PCDHGA7: variants seen among roughly 807,000 people sequenced by gnomAD.
PCDHGA7 encodes protocadherin gamma-A7.
In PCDHGA7, 44 loss-of-function variants were observed where a neutral mutation model predicts 58.3. That is an observed-to-expected ratio of 0.75 (90% CI 0.59 to 0.97). The LOEUF (loss-of-function observed/expected upper bound fraction) is 0.97. PCDHGA7 is among the 50% of genes least tolerant of loss of function. The pLI, the probability that PCDHGA7 is intolerant of heterozygous loss-of-function variation, is 0.00. For synonymous variants in PCDHGA7, 516 were observed against 504.2 expected, an observed-to-expected ratio of 1.02 and a Z score of -0.31; for missense variants, 1,266 against 1,188.7, an observed-to-expected ratio of 1.06 and a Z score of -0.96.
Position 141,422,656 on chromosome 5 carries a change from G to T in PCDHGA7, c.2424+37333G>T, listed in dbSNP as rs759548203. The T allele has an allele frequency of 7.5e-6, 12 of 1,609,898 alleles. 1 individual carries two copies. The African/African-American group carries it at 1.1e-4, about 14-fold the overall frequency. On this transcript the variant is annotated intron_variant, in intron 1 of 3. Transcript: ENST00000518325. The stretch of plus-strand genomic sequence containing the variant: ...GGGTGCCTCCATCTTCTCAGTGACC[G>T]CCCTCGACCCGGACAGCAAACAGAA...
chr5:141,395,542 T>TTGTTTGTGTGTGTG (rs1267535064), intron 1 of PCDHGA7: 1 of 168,708 alleles, frequency 5.9e-6, no homozygotes, highest in African/African-American at 5.7e-5. Flanking sequence ...TTGCTATTGT[T>TTGTTTGTGTGTGTG]TGTGTGTGTG....
intron 1 of PCDHGA7, among the ~76,000 whole-genome samples, chr5:141,480,689 C>A (rs1266042791): frequency 6.6e-6 from 1 of 152,126 alleles, no homozygotes; most frequent in Non-Finnish European, 1.5e-5. Flanking sequence ...AATTCTGAAA[C>A]CCAGGCCACA....
intron 1 of PCDHGA7, among the ~76,000 whole-genome samples, chr5:141,455,138 TTAAA>T (rs1193499111): frequency 1.3e-5 from 2 of 151,028 alleles, no homozygotes; most frequent in Admixed American, 1.3e-4. Context: ...TTACACTGTG[TTAAA>T]TAAATATTAG....
rs767397479 is a variant in PCDHGA7 at position 141,430,717 on chromosome 5, T to C, written c.2424+45394T>C. On this transcript the variant is annotated intron_variant, in intron 1 of 3. Transcript: ENST00000518325. ...GCGAAGGAACTGCTCCTGACTTCAG[T>C]GGTTAAGGGCAGAATTGAAAATAAT... is the stretch of plus-strand genomic sequence containing the variant. The C allele has an allele frequency of 8.1e-6, 12 of 1,475,446 alleles. No individual in the cohort carries two copies. The East Asian group carries it at 2.4e-4, about 29-fold the overall frequency. 91.4% of individuals were successfully genotyped at this position (1,475,446 alleles called of 1,614,324 possible). A position where few individuals can be genotyped will look rare whatever the true frequency, so the allele number is the denominator to read the frequency against.
intron 1 of PCDHGA7, chr5:141,423,114 A>G: frequency 1.9e-6 from 3 of 1,613,848 alleles, no homozygotes; most frequent in Non-Finnish European, 1.7e-6. Context: ...AGGTGCGTAC[A>G]GCGCGGGCAC....
In PCDHGA7 at chr5:141,382,813, T is replaced by A; in HGVS notation, c.-87T>A. The A allele has an allele frequency of 8.2e-7, 1 of 1,218,620 alleles. No homozygotes were observed. The highest frequency in any genetic ancestry group is 2.4e-5 in the East Asian group (1 of 42,382). The allele number at this position is 1,218,620 out of a possible 1,614,324, so 75.5% of individuals were successfully genotyped here. A position where few individuals can be genotyped will look rare whatever the true frequency, so the allele number is the denominator to read the frequency against. The stretch of plus-strand genomic sequence containing the variant: ...ATCCTGCTGGATTCTGAGCTCCCCT[T>A]CCTAAGACAGAGGGGTCCACCCGGA... On this transcript the variant is annotated 5_prime_UTR_variant, in exon 1 of 4. Transcript: ENST00000518325.
In PCDHGA7 at chr5:141,476,584, C is replaced by G. The variant is rs140544807; in HGVS notation, c.2425-18223C>G. ...TGGCTCCGGGGACGCGCTTTCCGCTCGAGAGCGCGCACGATCCCGATGTGG... is the reference window on the plus strand; with the variant it reads ...TGGCTCCGGGGACGCGCTTTCCGCTGGAGAGCGCGCACGATCCCGATGTGG... On this transcript the variant is annotated intron_variant, in intron 1 of 3. Coordinates refer to ENST00000518325, the MANE Select transcript of PCDHGA7 (RefSeq NM_018920.4). This position sits in a 1 kb window ranked among gnomAD's most constrained non-coding sequence, Gnocchi z 7.6. 1.2e-5 allele frequency: 19 copies of G among 1,614,100 alleles called. No homozygotes were observed. The African/African-American group carries it at 2.3e-4, about 19-fold the overall frequency.
intron 1 of PCDHGA7, among the ~76,000 whole-genome samples, chr5:141,402,165 T>A (rs1200714000): frequency 6.6e-6 from 1 of 152,164 alleles, no homozygotes; most frequent in Non-Finnish European, 1.5e-5. Context: ...GGCGAGAACA[T>A]CTGTAACTAT....
chr5:141,389,200 A>C, intron 1 of PCDHGA7: 1 of 1,614,034 alleles, frequency 6.2e-7, no homozygotes, highest in Non-Finnish European at 8.5e-7. Context: ...ATCACCCTGC[A>C]CATTGGTGAT....
rs977174958 is a variant in PCDHGA7, at chr5:141,394,524, G to C, written c.2424+9201G>C. 3.7e-6 allele frequency: 6 copies of C among 1,614,096 alleles called. No homozygotes were observed. The African/African-American group carries it at 6.7e-5, about 18-fold the overall frequency. ...CCTGTACCCCGCCCTCCCCACAGAC[G>C]GTTCCACTGGCGTGGAGCTGGCGCC... On this transcript the variant is annotated intron_variant, in intron 1 of 3. Coordinates refer to ENST00000518325, the MANE Select transcript of PCDHGA7 (RefSeq NM_018920.4).
chr5:141,457,429 C>G (rs73280316), intron 1 of PCDHGA7, among the ~76,000 whole-genome samples: 1,780 of 152,292 alleles, frequency 0.012, 30 homozygotes, highest in African/African-American at 0.04. Context: ...TTTTCCCCCC[C>G]ACCAAGCTGC....
intron 1 of PCDHGA7, chr5:141,389,520 C>T: frequency 6.2e-7 from 1 of 1,613,184 alleles, no homozygotes; most frequent in Non-Finnish European, 8.5e-7. Flanking sequence ...GAACGTGAGC[C>T]TGCGCGTGTT....
chr5:141,499,689 CTTTTTTTT>C (rs545067566), intron 2 of PCDHGA7, among the ~76,000 whole-genome samples: 2 of 119,856 alleles, frequency 1.7e-5, no homozygotes, highest in Non-Finnish European at 3.5e-5. Flanking sequence ...TAACAGATGA[CTTTTTTTT>C]TTTTTTTTTT....
chr5:141,399,460 G>A, intron 1 of PCDHGA7: 1 of 1,613,962 alleles, frequency 6.2e-7, no homozygotes, highest in Middle Eastern at 1.6e-4. Context: ...CAACGATAAC[G>A]CTCCGGTTTT....
At chr5:141,475,819 G>A (rs1232669115) in intron 1 of PCDHGA7, 4 of 350,114 alleles carry the variant, frequency 1.1e-5, no homozygotes, top group Non-Finnish European at 1.6e-5. Context: ...GAAGTTCCTG[G>A]CGCTAGCGCG....
chr5:141,403,263 T>A, intron 1 of PCDHGA7: 1 of 1,613,872 alleles, frequency 6.2e-7, no homozygotes, highest in East Asian at 2.2e-5. Flanking sequence ...CGGTGTCTGG[T>A]GAACTTTAAA....
At chr5:141,458,217 T>C (rs1026901943) in intron 1 of PCDHGA7, among the ~76,000 whole-genome samples, 1 of 152,210 alleles carries the variant, frequency 6.6e-6, no homozygotes, top group Admixed American at 6.5e-5. Context: ...AAAATAAGTT[T>C]CCTTTCCCAG....
chr5:141,476,184 T>C lies in PCDHGA7; in HGVS notation c.2425-18623T>C, dbSNP rs1038598087. ...AGGGTAGTGGGAGTTTTGCTTCTGC[T>C]TGGTGCCTTGAACAAGGCTTCCACG... On this transcript the variant is annotated intron_variant, in intron 1 of 3. Coordinates refer to ENST00000518325, the MANE Select transcript of PCDHGA7 (RefSeq NM_018920.4). The surrounding 1 kb of genome is among the most constrained non-coding windows in gnomAD (Gnocchi z 7.6). 1 of 1,613,708 alleles carries C rather than the reference T, an allele frequency of 6.2e-7. No homozygotes were observed. Among genetic ancestry groups the C allele is most frequent in the Non-Finnish European group, 8.5e-7 (1 of 1,179,992 alleles).
chr5:141,489,061 C>A lies in PCDHGA7; in HGVS notation c.2425-5746C>A. On this transcript the variant is annotated intron_variant, in intron 1 of 3. Coordinates refer to ENST00000518325, the MANE Select transcript of PCDHGA7 (RefSeq NM_018920.4). This position sits in a 1 kb window ranked among gnomAD's most constrained non-coding sequence, Gnocchi z 4.5. ...AGCTCCACTCAAATTCAGCTCCCCT[C>A]CCCCCTGCCCACCCCCGCCACTCGG... 5 of 347,080 alleles carry A rather than the reference C, an allele frequency of 1.4e-5. No individual in the cohort carries two copies. The highest frequency in any genetic ancestry group is 2.2e-5 in the African/African-American group (1 of 46,422). 21.5% of individuals were successfully genotyped at this position (347,080 alleles called of 1,614,324 possible). A position where few individuals can be genotyped will look rare whatever the true frequency, so the allele number is the denominator to read the frequency against.
Sources: gnomAD v4.1 joint callset for allele counts (sites outside exome capture counted in the v4.1 genomes callset) on GRCh38, gnomAD v4.1.1 for gene constraint, Gnocchi (gnomAD v3.1) non-coding constraint, MANE v1.5 for transcripts, NCBI Gene and HGNC (gene_info 2026-07-23, HGNC 2026-07-21) for gene names.